RYR3: variants seen among roughly 807,000 people sequenced by gnomAD.
The protein encoded by RYR3 is brain ryanodine receptor-calcium release channel.
RYR3 carries 207 observed loss-of-function variants against 584.3 expected under a neutral mutation model. The ratio of observed to expected loss-of-function variants is 0.35; its 90% CI spans 0.32 to 0.40. The LOEUF (loss-of-function observed/expected upper bound fraction) is 0.40, where lower values mean the gene tolerates loss of function less well. RYR3 is among the 10% of genes least tolerant of loss of function. RYR3 has a pLI of 1.00. For missense variants in RYR3, 5,616 were observed against 6,089.2 expected, an observed-to-expected ratio of 0.92 and a Z score of 2.59; for synonymous variants, 2,416 against 2,248.5, an observed-to-expected ratio of 1.07 and a Z score of -2.11.
In RYR3 at chr15:33,840,899, C is replaced by A; in HGVS notation, c.13037+16C>A. ...AGAAGGCAGAGTAAGTTCTTGGTAG[C>A]ATCAACTACTCTCATTGCTATGGTA... On this transcript the variant is annotated intron_variant, in intron 90 of 103. Coordinates refer to ENST00000634891, the MANE Select transcript of RYR3 (RefSeq NM_001036.6). 1 of 1,610,992 alleles carries A rather than the reference C, an allele frequency of 6.2e-7. No individual in the cohort carries two copies. The highest frequency in any genetic ancestry group is 8.5e-7 in the Non-Finnish European group (1 of 1,177,466).
chr15:33,473,367 C>T, intron 1 of RYR3, 52 bp from the exon 2 acceptor site: 1 of 1,610,976 alleles, frequency 6.2e-7, no homozygotes, highest in Middle Eastern at 1.6e-4. Context: ...TGACTCGGGG[C>T]CTGGCTCAGC....
At chr15:33,665,490 A>T (rs1447799219) in intron 36 of RYR3, among the ~76,000 whole-genome samples, 2 of 152,204 alleles carry the variant, frequency 1.3e-5, no homozygotes. Flanking sequence ...TGACCCGATG[A>T]GTGGAGTTCA....
chr15:33,494,802 T>G (rs1216150820), intron 2 of RYR3, among the ~76,000 whole-genome samples: 2 of 152,242 alleles, frequency 1.3e-5, no homozygotes, highest in Non-Finnish European at 2.9e-5. Context: ...AGAAGAACTT[T>G]CCATCTTTTA....
At chr15:33,563,321 A>T (rs2057516387) in intron 11 of RYR3, among the ~76,000 whole-genome samples, 1 of 152,242 alleles carries the variant, frequency 6.6e-6, no homozygotes, top group South Asian at 2.1e-4. Flanking sequence ...TATCCACATC[A>T]TTGCTGCCTT....
intron 57 of RYR3, among the ~76,000 whole-genome samples, chr15:33,751,505 G>C (rs916145427): frequency 1.3e-5 from 2 of 151,412 alleles, no homozygotes; most frequent in Non-Finnish European, 2.9e-5. Flanking sequence ...GCTTTTTTTC[G>C]TATGCCAGTT....
In RYR3 at chr15:33,861,102, G is replaced by A. The variant is rs1245486928; in HGVS notation, c.14389G>A (p.Gly4797Ser). The A allele has an allele frequency of 1.3e-6, 2 of 1,594,220 alleles. No homozygotes were observed. The highest frequency in any genetic ancestry group is 1.3e-5 in the African/African-American group (1 of 74,800). The change falls in exon 102 of 104, where the codon GGC becomes AGC. Residue 4797 changes from glycine (G) to serine (S), a missense_variant. Physicochemically the swap from Gly to Ser is moderately conservative, Grantham distance 56. This residue lies in a region of RYR3 where 918 missense variants were observed against 887.4 expected (regional missense o/e 1.03). Transcript: ENST00000634891. ...METKCFICGIGNDYFDTTPHG... is the reference protein window; with the variant it reads ...METKCFICGISNDYFDTTPHG... ...GACTAAATGTTTCATCTGTGGGATT[G>A]GCAATGACTACTTTGACACAACCCC... is the stretch of plus-strand genomic sequence containing the variant.
At chr15:33,725,997 A>AAAC (rs2068420591) in intron 45 of RYR3, among the ~76,000 whole-genome samples, 1 of 132,100 alleles carries the variant, frequency 7.6e-6, no homozygotes, top group Non-Finnish European at 1.6e-5. Context: ...AAAAAAAAAA[A>AAAC]CAGAATTCTA....
intron 1 of RYR3, among the ~76,000 whole-genome samples, chr15:33,369,024 C>A (rs2141073464): frequency 6.6e-6 from 1 of 152,304 alleles, no homozygotes; most frequent in East Asian, 1.9e-4. Flanking sequence ...TTTCCTGGAC[C>A]AGTTACTCTC....
At chr15:33,461,954 T>C (rs540506075) in intron 1 of RYR3, among the ~76,000 whole-genome samples, 1 of 152,300 alleles carries the variant, frequency 6.6e-6, no homozygotes, top group Non-Finnish European at 1.5e-5. Flanking sequence ...AAAACAAATA[T>C]TTCCTGAATG....
intron 1 of RYR3, among the ~76,000 whole-genome samples, chr15:33,349,418 G>A (rs948402456): frequency 6.6e-6 from 1 of 152,030 alleles, no homozygotes; most frequent in Non-Finnish European, 1.5e-5. Context: ...AGTTCCTGTT[G>A]CTTGCCATCC....
At chr15:33,697,771 T>C in intron 39 of RYR3, 111 bp from the exon 40 acceptor site, 4 of 671,546 alleles carry the variant, frequency 6.0e-6, no homozygotes, top group South Asian at 3.6e-5. Flanking sequence ...CTTTTCAGCC[T>C]GTTACTTTCA....
chr15:33,503,835 A>G (rs1336638419), intron 3 of RYR3, 97 bp downstream of exon 3: 1 of 716,236 alleles, frequency 1.4e-6, no homozygotes, highest in Admixed American at 2.3e-5. Context: ...AAAAATTTTA[A>G]GACTGTTGAG....
intron 2 of RYR3, 25 bp from the exon 3 acceptor site, chr15:33,503,605 TC>T (rs2052200093): frequency 7.3e-7 from 1 of 1,369,910 alleles, no homozygotes; most frequent in Non-Finnish European, 1.0e-6. Context: ...TGAGTAGGTA[TC>T]CTCATTCTGA....
At chr15:33,374,281 T>C (rs2040555361) in intron 1 of RYR3, among the ~76,000 whole-genome samples, 1 of 152,094 alleles carries the variant, frequency 6.6e-6, no homozygotes, top group African/African-American at 2.4e-5. Context: ...GGCTCTAAGC[T>C]CATCTCTCAT....
rs17817090 is a variant in RYR3, at chr15:33,330,161, C to T, written c.51+19065C>T. On this transcript the variant is annotated intron_variant, in intron 1 of 103. Coordinates refer to ENST00000634891, the MANE Select transcript of RYR3 (RefSeq NM_001036.6). The stretch of plus-strand genomic sequence containing the variant: ...TCATGAGTAACTTAGCTCAAAGTGG[C>T]GGTGCTTGTTGGCTTCAATTTTAGG... Among the ~76,000 whole-genome samples the T allele has an allele frequency of 8.6e-3, 1,305 of 152,174 alleles. 8 individuals are homozygous for T. Among genetic ancestry groups the T allele is most frequent in the Non-Finnish European group, 0.014 (962 of 67,962 alleles).
Position 33,730,542 on chromosome 15 carries a change from C to T in RYR3, c.7204-932C>T, listed in dbSNP as rs57791959. Reference sequence around the variant, plus strand: ...TGATAATTTAGATAATTTATAGGAACAATGAGACATGTATATAGTTCAAAG... The same window carrying T: ...TGATAATTTAGATAATTTATAGGAATAATGAGACATGTATATAGTTCAAAG... On this transcript the variant is annotated intron_variant, in intron 47 of 103. Coordinates refer to ENST00000634891, the MANE Select transcript of RYR3 (RefSeq NM_001036.6). Among the ~76,000 whole-genome samples the T allele has an allele frequency of 6.4e-3, 971 of 152,212 alleles. 15 individuals are homozygous for T. Among genetic ancestry groups the T allele is most frequent in the African/African-American group, 0.022 (921 of 41,526 alleles).
intron 32 of RYR3, among the ~76,000 whole-genome samples, chr15:33,656,928 A>G (rs973253254): frequency 2.6e-5 from 4 of 152,168 alleles, no homozygotes; most frequent in Non-Finnish European, 4.4e-5. Context: ...AGGTCTCCCT[A>G]TCTTGAGGCC....
intron 48 of RYR3, among the ~76,000 whole-genome samples, chr15:33,733,505 A>C (rs545701408): frequency 6.6e-6 from 1 of 152,244 alleles, no homozygotes; most frequent in Non-Finnish European, 1.5e-5. Context: ...CGAAAAGGCT[A>C]CATGCTGTAT....
At chr15:33,754,837 C>G (rs892334726) in intron 57 of RYR3, among the ~76,000 whole-genome samples, 1 of 152,180 alleles carries the variant, frequency 6.6e-6, no homozygotes, top group Non-Finnish European at 1.5e-5. Flanking sequence ...TCAGACATCT[C>G]TAGCTCAGTA....
Sources: gnomAD v4.1 joint callset for allele counts (sites outside exome capture counted in the v4.1 genomes callset) on GRCh38, gnomAD v4.1.1 for gene constraint, gnomAD v4.1.1 regional missense constraint, MANE v1.5 for transcripts, NCBI Gene and HGNC (gene_info 2026-07-23, HGNC 2026-07-21) for gene names.